SUSD1: variants seen among roughly 807,000 people sequenced by gnomAD.
SUSD1 encodes sushi domain containing 1.
In SUSD1, 65 loss-of-function variants were observed where a neutral mutation model predicts 86.9. The observed-to-expected ratio is 0.75, with a 90% CI of 0.61 to 0.92. SUSD1 has a LOEUF of 0.92. SUSD1 is among the 40% of genes least tolerant of loss of function. SUSD1 has a pLI of 0.00. For synonymous variants in SUSD1, 346 were observed against 350.0 expected, an observed-to-expected ratio of 0.99 and a Z score of 0.13; for missense variants, 850 against 929.7, an observed-to-expected ratio of 0.91 and a Z score of 1.11.
chr9:112,080,092 ATCAGCTGTCTTGATGCTTCTCCATC>A lies in SUSD1; in HGVS notation c.1523_1547del (p.Arg508IlefsTer24). 6.2e-7 allele frequency: 1 copy of A among 1,612,480 alleles called. No individual in the cohort carries two copies. Among genetic ancestry groups the A allele is most frequent in the South Asian group, 1.1e-5 (1 of 91,034 alleles). On this transcript the variant is annotated frameshift_variant, in exon 11 of 17. Transcript: ENST00000374270. LOFTEE classifies it high-confidence loss of function. ...CACTTACTAAATACATCTCCTCCAT[ATCAGCTGTCTTGATGCTTCTCCATC>A]TCAAGCAGGTTTCATTAAATCCTGA...
At position 112,174,001 on chromosome 9, in the gene SUSD1, C is replaced by T. The variant is rs529016212; in HGVS notation, c.103+1132G>A. ...GCACTGTAACCTGTGGCTCCCGAAGCGCCTAGAACTGGCTAGACCCACTTT... is the reference window on the plus strand; with the variant it reads ...GCACTGTAACCTGTGGCTCCCGAAGTGCCTAGAACTGGCTAGACCCACTTT... On this transcript the variant is annotated intron_variant, in intron 1 of 16. Coordinates refer to ENST00000374270, the MANE Select transcript of SUSD1 (RefSeq NM_022486.5). 10 of 177,132 alleles carry T rather than the reference C, an allele frequency of 5.6e-5. No homozygotes were observed. The South Asian group carries it at 1.1e-3, about 19-fold the overall frequency. 11.0% of individuals were successfully genotyped at this position (177,132 alleles called of 1,614,324 possible). A position where few individuals can be genotyped will look rare whatever the true frequency, so the allele number is the denominator to read the frequency against.
intron 14 of SUSD1, among the ~76,000 whole-genome samples, chr9:112,054,936 C>T (rs1208053351): frequency 6.6e-6 from 1 of 152,126 alleles, no homozygotes; most frequent in East Asian, 1.9e-4. Flanking sequence ...ACGTATTTCA[C>T]AAGGGATTAC....
chr9:112,158,290 T>C (rs1457946797), intron 1 of SUSD1, among the ~76,000 whole-genome samples: 1 of 152,148 alleles, frequency 6.6e-6, no homozygotes, highest in Non-Finnish European at 1.5e-5. Context: ...ACTCTCTATA[T>C]ACCTAAAATG....
chr9:112,112,363 G>T (rs1351274268), intron 7 of SUSD1, among the ~76,000 whole-genome samples: 4 of 152,134 alleles, frequency 2.6e-5, no homozygotes, highest in Admixed American at 2.6e-4. Flanking sequence ...GGCCAGGCGC[G>T]GTGGCTCATG....
At chr9:112,053,021 T>C (rs943704452) in intron 14 of SUSD1, among the ~76,000 whole-genome samples, 2 of 152,136 alleles carry the variant, frequency 1.3e-5, no homozygotes, top group East Asian at 1.9e-4. Flanking sequence ...CCCCCTGTCA[T>C]TATGATATGC....
At chr9:112,065,294 G>A (rs1412867885) in intron 12 of SUSD1, among the ~76,000 whole-genome samples, 1 of 152,088 alleles carries the variant, frequency 6.6e-6, no homozygotes, top group African/African-American at 2.4e-5. Context: ...AGGCAGAGGT[G>A]GGCGGATCAC....
Position 112,151,813 on chromosome 9 carries a change from G to A in SUSD1, c.218-2414C>T, listed in dbSNP as rs182756311. Among the ~76,000 whole-genome samples the A allele has an allele frequency of 1.8e-4, 27 of 151,336 alleles. 1 individual carries two copies. The highest frequency in any genetic ancestry group is 1.7e-3 in the East Asian group (9 of 5,152). On this transcript the variant is annotated intron_variant, in intron 2 of 16. Coordinates refer to ENST00000374270, the MANE Select transcript of SUSD1 (RefSeq NM_022486.5). ...AGCACTTTGGGAGGCTGAGGTGGGC[G>A]GATCACCTGAGGTCAGGAGTTCAAG...
chr9:112,157,569 G>A lies in SUSD1; in HGVS notation c.148C>T (p.Gln50Ter), dbSNP rs1242775072. The change falls in exon 2 of 17, where the codon CAA becomes TAA. Residue 50 changes from glutamine to a stop codon, truncating the protein, a stop_gained. Transcript: ENST00000374270. LOFTEE classifies it high-confidence loss of function. ...ATACAGATCTTCTTCCCTTCTCTTT[G>A]CTGGCATGTGGCATGTTCATGGCAA... The part of the protein sequence containing the change: ...ATCHEHATCQ[Q>*]REGKKICICN... The A allele has an allele frequency of 1.9e-6, 3 of 1,613,882 alleles. No individual in the cohort carries two copies. Among genetic ancestry groups the A allele is most frequent in the African/African-American group, 1.3e-5 (1 of 74,864 alleles).
intron 4 of SUSD1, among the ~76,000 whole-genome samples, 168 bp downstream of exon 4, chr9:112,143,303 G>C (rs1017216450): frequency 4.6e-5 from 7 of 151,708 alleles, no homozygotes; most frequent in African/African-American, 1.7e-4. Flanking sequence ...TTTTAACATG[G>C]CCCCCTGTAA....
chr9:112,162,033 A>G (rs1014879002), intron 1 of SUSD1, among the ~76,000 whole-genome samples: 9 of 152,190 alleles, frequency 5.9e-5, no homozygotes, highest in Admixed American at 5.2e-4. Context: ...AATATTGAAA[A>G]TTACAGTTTT....
intron 6 of SUSD1, among the ~76,000 whole-genome samples, chr9:112,121,027 A>T (rs375890106): frequency 1.3e-5 from 2 of 152,334 alleles, no homozygotes; most frequent in African/African-American, 4.8e-5. Flanking sequence ...ATGCTTTTGC[A>T]AATGCCATGA....
intron 12 of SUSD1, among the ~76,000 whole-genome samples, chr9:112,064,745 G>A (rs575572992): frequency 5.9e-5 from 9 of 151,814 alleles, no homozygotes; most frequent in Non-Finnish European, 8.8e-5. Flanking sequence ...GCGTGGTGGC[G>A]GGCACCTGTA....
At chr9:112,092,046 T>C (rs1161096257) in intron 10 of SUSD1, among the ~76,000 whole-genome samples, 5 of 152,186 alleles carry the variant, frequency 3.3e-5, no homozygotes, top group African/African-American at 9.7e-5. Context: ...GTCCTTGTTA[T>C]TCAATTGGTG....
chr9:112,160,850 A>G (rs571248327), intron 1 of SUSD1, among the ~76,000 whole-genome samples: 3 of 152,340 alleles, frequency 2.0e-5, no homozygotes, highest in African/African-American at 7.2e-5. Context: ...ACCTGCAAGG[A>G]GTAGTTAAAT....
chr9:112,066,544 G>A (rs1589602396), intron 12 of SUSD1, among the ~76,000 whole-genome samples: 1 of 152,136 alleles, frequency 6.6e-6, no homozygotes, highest in Non-Finnish European at 1.5e-5. Context: ...AATGAACGGG[G>A]CTTGAAAGAA....
chr9:112,148,671 C>G (rs548595461), intron 3 of SUSD1, among the ~76,000 whole-genome samples: 1 of 152,016 alleles, frequency 6.6e-6, no homozygotes, highest in East Asian at 1.9e-4. Flanking sequence ...TTTGGGAGGC[C>G]GAGGCGGGCA....
intron 14 of SUSD1, among the ~76,000 whole-genome samples, chr9:112,057,396 T>C (rs1828498850): frequency 6.6e-6 from 1 of 152,226 alleles, no homozygotes; most frequent in East Asian, 1.9e-4. Flanking sequence ...ATTGCACTCA[T>C]GTTGTACTGC....
At chr9:112,065,849 T>A (rs184930905) in intron 12 of SUSD1, among the ~76,000 whole-genome samples, 79 of 152,278 alleles carry the variant, frequency 5.2e-4, no homozygotes, top group Admixed American at 2.9e-3. Context: ...AGTTAATGAG[T>A]CAACACAAGT....
At chr9:112,129,016 G>T (rs1157962030) in intron 5 of SUSD1, among the ~76,000 whole-genome samples, 2 of 152,150 alleles carry the variant, frequency 1.3e-5, no homozygotes, top group Non-Finnish European at 2.9e-5. Context: ...GTTTTTAAAA[G>T]ACCACTTTGG....
Sources: allele counts gnomAD v4.1 joint callset (sites outside exome capture counted in the v4.1 genomes callset), GRCh38; gene constraint gnomAD v4.1.1; transcripts MANE v1.5; gene names NCBI Gene and HGNC (gene_info 2026-07-23, HGNC 2026-07-21).